Variants in TRAPPC3L observed in about 807,000 individuals in gnomAD.
TRAPPC3L encodes trafficking protein particle complex subunit 3-like protein.
A neutral mutation model predicts 23.7 loss-of-function variants in TRAPPC3L; 23 were observed. That is an observed-to-expected ratio of 0.97 (90% CI 0.70 to 1.37). The LOEUF (loss-of-function observed/expected upper bound fraction) is 1.37, where lower values mean the gene tolerates loss of function less well. TRAPPC3L is among the 40% of genes most tolerant of loss of function. TRAPPC3L has a pLI of 0.00. For synonymous variants in TRAPPC3L, 81 were observed against 77.9 expected (o/e 1.04, Z -0.21); for missense variants, 212 against 216.8 (o/e 0.98, Z 0.14).
chr6:116,500,585 C>T lies in TRAPPC3L; in HGVS notation c.322G>A (p.Glu108Lys). The T allele has an allele frequency of 1.3e-6, 2 of 1,551,602 alleles. No homozygotes were observed. The highest frequency in any genetic ancestry group is 1.7e-6 in the Non-Finnish European group (2 of 1,146,946). ...SSKNEFSLIL[E>K]KNPLVEFVEE... ...ACAAACTCCACCAGGGGATTCTTCT[C>T]TAGAATCAGGGAAAATTCATTTTTG... Residue 108 changes from glutamate (E) to lysine (K), a missense_variant, in exon 4 of 5, where the codon GAG becomes AAG. Transcript: ENST00000368602.
chr6:116,519,871 C>G (rs1375510696), intron 3 of TRAPPC3L: 3 of 152,134 alleles, frequency 2.0e-5, no homozygotes, highest in African/African-American at 7.2e-5. Context: ...GCAGTTCCTT[C>G]CTTTTTTCAG....
At chr6:116,514,274 A>C (rs1263248299) in intron 3 of TRAPPC3L, among the ~76,000 whole-genome samples, 1 of 152,172 alleles carries the variant, frequency 6.6e-6, no homozygotes, top group Non-Finnish European at 1.5e-5. Context: ...CTGAGATGAG[A>C]TGGCGTACAG....
chr6:116,521,844 C>T (rs1772349150), intron 3 of TRAPPC3L: 1 of 152,064 alleles, frequency 6.6e-6, no homozygotes, highest in South Asian at 2.1e-4. Context: ...CCTTATGAAC[C>T]AATAAAATAT....
intron 3 of TRAPPC3L, among the ~76,000 whole-genome samples, chr6:116,533,564 G>T (rs534936324): frequency 6.6e-6 from 1 of 152,168 alleles, no homozygotes; most frequent in Non-Finnish European, 1.5e-5. Flanking sequence ...AATTTAAAAC[G>T]GCAATAGAAA....
chr6:116,540,422 C>A lies in TRAPPC3L; in HGVS notation c.181G>T (p.Ala61Ser). 1 of 1,551,294 alleles carries A rather than the reference C, an allele frequency of 6.4e-7. No individual in the cohort carries two copies. Among genetic ancestry groups the A allele is most frequent in the Non-Finnish European group, 8.7e-7 (1 of 1,146,746 alleles). The part of the protein sequence containing the change: ...IGTRLVEDFL[A>S]RSCVGRCHSY... ...TGGCATCTTCCCACGCAGGATCGAG[C>A]CAAAAAGTCTTCCACAAGCCGCGTT... Residue 61 changes from alanine (A) to serine (S), a missense_variant, in exon 3 of 5, where the codon GCT (alanine) becomes TCT (serine). Coordinates refer to ENST00000368602, the MANE Select transcript of TRAPPC3L (RefSeq NM_001139444.3).
intron 3 of TRAPPC3L, among the ~76,000 whole-genome samples, chr6:116,508,605 ACTCTT>A (rs1772047913): frequency 6.6e-6 from 1 of 152,052 alleles, no homozygotes; most frequent in South Asian, 2.1e-4. Flanking sequence ...AATGATGAGG[ACTCTT>A]CTCATTTTGA....
At chr6:116,529,424 G>C (rs1049358923) in intron 3 of TRAPPC3L, among the ~76,000 whole-genome samples, 1 of 152,150 alleles carries the variant, frequency 6.6e-6, no homozygotes, top group African/African-American at 2.4e-5. Context: ...TAATGGAAGG[G>C]AAATATGGGG....
At chr6:116,512,086 C>T (rs772381374) in intron 3 of TRAPPC3L, 25 of 1,613,956 alleles carry the variant, frequency 1.5e-5, no homozygotes, top group South Asian at 1.1e-4. Context: ...GTGCCATGAG[C>T]GGGACGAGAA....
chr6:116,513,037 A>G (rs1772154697), intron 3 of TRAPPC3L, among the ~76,000 whole-genome samples: 1 of 152,194 alleles, frequency 6.6e-6, no homozygotes, highest in South Asian at 2.1e-4. Context: ...GTACAGCCTT[A>G]GGAAGGACTA....
At position 116,543,873 on chromosome 6, in the gene TRAPPC3L, G is replaced by A. The variant is rs1026603906; in HGVS notation, c.43-473C>T. The A allele has an allele frequency of 3.3e-6, 5 of 1,531,852 alleles. No individual in the cohort carries two copies. In the African/African-American group the frequency reaches 4.1e-5, roughly 13 times the overall value. 94.9% of individuals were successfully genotyped at this position (1,531,852 alleles called of 1,614,324 possible). ...TAAACCCAAATGTAGCAGCAAATTT[G>A]TGAGTTTCTTTTCTTTTTACTTAGA... On this transcript the variant is annotated intron_variant, in intron 1 of 4. Transcript: ENST00000368602.
chr6:116,538,637 G>A lies in TRAPPC3L; in HGVS notation c.240+1726C>T, dbSNP rs76563779. Among the ~76,000 whole-genome samples the A allele has an allele frequency of 3.4e-3, 516 of 152,110 alleles. 5 individuals are homozygous for A. Among genetic ancestry groups the A allele is most frequent in the African/African-American group, 0.012 (486 of 41,522 alleles). On this transcript the variant is annotated intron_variant, in intron 3 of 4. Coordinates refer to ENST00000368602, the MANE Select transcript of TRAPPC3L (RefSeq NM_001139444.3). ...CTAATAAACAACCTTAAATACAGGA[G>A]TCAGGTTTTATTTTCCACATTATAT...
intron 3 of TRAPPC3L, among the ~76,000 whole-genome samples, chr6:116,534,160 G>C (rs1334315440): frequency 6.6e-6 from 1 of 151,848 alleles, no homozygotes; most frequent in Non-Finnish European, 1.5e-5. Flanking sequence ...AGCTAATAAT[G>C]TTTTATATTC....
intron 3 of TRAPPC3L, chr6:116,517,158 T>C (rs1473938872): frequency 6.6e-6 from 1 of 152,102 alleles, no homozygotes. Flanking sequence ...ACCCAATTAC[T>C]TCTCAAGGCT....
intron 3 of TRAPPC3L, among the ~76,000 whole-genome samples, chr6:116,530,574 G>A (rs1015921722): frequency 3.9e-5 from 6 of 152,152 alleles, no homozygotes; most frequent in East Asian, 3.9e-4. Context: ...CTACCAAAGC[G>A]TTCCTCTGAG....
intron 3 of TRAPPC3L, among the ~76,000 whole-genome samples, chr6:116,515,185 A>AT (rs1250392969): frequency 6.6e-6 from 1 of 152,198 alleles, no homozygotes; most frequent in Admixed American, 6.5e-5. Context: ...ATGTATATAC[A>AT]TTTATCAATG....
chr6:116,530,843 A>C (rs565900959), intron 3 of TRAPPC3L, among the ~76,000 whole-genome samples: 1 of 145,950 alleles, frequency 6.9e-6, no homozygotes, highest in Non-Finnish European at 1.5e-5. Flanking sequence ...AAGAAAAACA[A>C]ACACCAGCAT....
At chr6:116,502,837 T>C (rs949923076) in intron 3 of TRAPPC3L, among the ~76,000 whole-genome samples, 3 of 152,184 alleles carry the variant, frequency 2.0e-5, no homozygotes, top group Non-Finnish European at 4.4e-5. Context: ...AGAGATTTTG[T>C]TACCACCAGG....
chr6:116,545,649 A>G lies in TRAPPC3L; in HGVS notation c.-135T>C. ...TTTGAGACAGGAGTGCTGCTTCTGC[A>G]CTCTGCTGCTTTTGCTCTTTGCTGA... On this transcript the variant is annotated 5_prime_UTR_variant, in exon 1 of 5. Coordinates refer to ENST00000368602, the MANE Select transcript of TRAPPC3L (RefSeq NM_001139444.3). The G allele has an allele frequency of 3.1e-6, 2 of 653,200 alleles. No homozygotes were observed. The highest frequency in any genetic ancestry group is 2.5e-6 in the Non-Finnish European group (1 of 403,878). The allele number at this position is 653,200 out of a possible 1,614,324, so 40.5% of individuals were successfully genotyped here.
chr6:116,537,849 C>T (rs1370605185), intron 3 of TRAPPC3L, among the ~76,000 whole-genome samples: 2 of 152,148 alleles, frequency 1.3e-5, no homozygotes, highest in Non-Finnish European at 2.9e-5. Flanking sequence ...TGAGTAAATA[C>T]CCAGTAAGAA....
Sources: allele counts gnomAD v4.1 joint callset (sites outside exome capture counted in the v4.1 genomes callset), GRCh38; gene constraint gnomAD v4.1.1; transcripts MANE v1.5; gene names NCBI Gene and HGNC (gene_info 2026-07-23, HGNC 2026-07-21).